Variants in CCDC136 observed in about 807,000 individuals in gnomAD.
The protein encoded by CCDC136 is coiled-coil domain containing 136, also known as coiled-coil domain-containing protein 136.
A neutral mutation model predicts 141.2 loss-of-function variants in CCDC136; 100 were observed. The observed-to-expected ratio is 0.71, with a 90% CI of 0.60 to 0.84. CCDC136 has a LOEUF of 0.84. Ranked by LOEUF, CCDC136 falls within the 40% of genes least tolerant of loss-of-function variation. The pLI, the probability that CCDC136 is intolerant of heterozygous loss-of-function variation, is 0.00. For synonymous variants in CCDC136, 474 were observed against 531.9 expected (o/e 0.89, Z 1.50); for missense variants, 1,206 against 1,379.4 (o/e 0.87, Z 1.99).
chr7:128,798,187 G>A (rs1428175852), intron 3 of CCDC136, among the ~76,000 whole-genome samples: 4 of 149,890 alleles, frequency 2.7e-5, no homozygotes, highest in Non-Finnish European at 5.9e-5. Context: ...AAAGTGCTGG[G>A]ATTAAAGGCG....
At chr7:128,808,014 T>A (rs1288116668) in intron 10 of CCDC136, among the ~76,000 whole-genome samples, 2 of 152,148 alleles carry the variant, frequency 1.3e-5, no homozygotes, top group African/African-American at 2.4e-5. Context: ...CTTCTAGGAT[T>A]TATTCTGTGA....
At chr7:128,798,507 C>T (rs1803463054) in intron 3 of CCDC136, among the ~76,000 whole-genome samples, 1 of 152,028 alleles carries the variant, frequency 6.6e-6, no homozygotes, top group Admixed American at 6.5e-5. Flanking sequence ...CAGCCTCAGC[C>T]TCCCAAAGTG....
rs1014410270 is a variant in CCDC136 at position 128,817,481 on chromosome 7, C to T, written c.3364-277C>T. Reference sequence around the variant, plus strand: ...TTGACAGGATATGAGAGGTATGTGACGAGACAGAAAGAAAACTGGACTCAC... The same window carrying T: ...TTGACAGGATATGAGAGGTATGTGATGAGACAGAAAGAAAACTGGACTCAC... On this transcript the variant is annotated intron_variant, in intron 16 of 17. Coordinates refer to ENST00000297788, the MANE Select transcript of CCDC136 (RefSeq NM_022742.5). The surrounding 1 kb of genome is among the most constrained non-coding windows in gnomAD (Gnocchi z 4.6). 2.0e-5 allele frequency among the ~76,000 whole-genome samples: 3 copies of T among 151,944 alleles called. No homozygotes were observed. The highest frequency in any genetic ancestry group is 1.3e-4 in the Admixed American group (2 of 15,242).
intron 15 of CCDC136, among the ~76,000 whole-genome samples, chr7:128,815,340 A>G (rs1806428298): frequency 6.6e-6 from 1 of 152,242 alleles, no homozygotes; most frequent in South Asian, 2.1e-4. Context: ...TAGGGGTGGG[A>G]AGCAACAATT....
intron 3 of CCDC136, among the ~76,000 whole-genome samples, chr7:128,798,207 G>T (rs1803375039): frequency 3.4e-5 from 5 of 148,770 alleles, no homozygotes; most frequent in Admixed American, 2.0e-4. Flanking sequence ...GTGAGCCACC[G>T]CGCCCGGCCG....
Position 128,814,871 on chromosome 7 carries a change from G to A in CCDC136, c.2997G>A (p.Val999=), listed in dbSNP as rs1806345369. 6.2e-7 allele frequency: 1 copy of A among 1,607,226 alleles called. No homozygotes were observed. Among genetic ancestry groups the A allele is most frequent in the African/African-American group, 1.3e-5 (1 of 74,828 alleles). Residue 999 remains valine (V), a synonymous_variant, in exon 15 of 18, where the codon GTG becomes GTA. Coordinates refer to ENST00000297788, the MANE Select transcript of CCDC136 (RefSeq NM_022742.5). Reference sequence around the variant, plus strand: ...CCAATGGGGTTAAAATGAAAAAGGTGACCAAGCCATGCTCGGATACTTCTG... The same window carrying A: ...CCAATGGGGTTAAAATGAAAAAGGTAACCAAGCCATGCTCGGATACTTCTG... ...KNANGVKMKK[V]TKPCSDTSES...
intron 4 of CCDC136, among the ~76,000 whole-genome samples, chr7:128,801,979 C>T (rs538169690): frequency 6.6e-6 from 1 of 152,108 alleles, no homozygotes; most frequent in African/African-American, 2.4e-5. Context: ...CAAAGAGGGA[C>T]CTGTCACCTT....
In CCDC136 at chr7:128,805,646, C is replaced by A; in HGVS notation, c.949-115C>A. The A allele has an allele frequency of 6.5e-7, 1 of 1,535,558 alleles. No homozygotes were observed. Reference sequence around the variant, plus strand: ...GGAGGGAGATAGTACTCTGGGGTCTCACTTGCCTGATGTAAATCTTCCAGT... The same window carrying A: ...GGAGGGAGATAGTACTCTGGGGTCTAACTTGCCTGATGTAAATCTTCCAGT... On this transcript the variant is annotated intron_variant, in intron 6 of 17. Coordinates refer to ENST00000297788, the MANE Select transcript of CCDC136 (RefSeq NM_022742.5). The surrounding 1 kb of genome is among the most constrained non-coding windows in gnomAD (Gnocchi z 4.6).
At chr7:128,804,879 A>G in intron 5 of CCDC136, 118 bp downstream of exon 5, 2 of 638,766 alleles carry the variant, frequency 3.1e-6, no homozygotes, top group Non-Finnish European at 5.5e-6. Flanking sequence ...CTGGAGACCC[A>G]GTCCTTTCCA....
intron 1 of CCDC136, among the ~76,000 whole-genome samples, chr7:128,792,800 A>G (rs1802382233): frequency 6.6e-6 from 1 of 152,232 alleles, no homozygotes. Context: ...GGAACTGGGC[A>G]TGTGAATTGT....
upstream of CCDC136, chr7:128,791,607 C>T: frequency 1.8e-6 from 2 of 1,117,264 alleles, no homozygotes; most frequent in Non-Finnish European, 2.3e-6. This position sits in a 1 kb window ranked among gnomAD's most constrained non-coding sequence, Gnocchi z 7.1. Context: ...TCCTCCATCC[C>T]TCCTCCTTCC....
At chr7:128,816,180 C>T (rs2270593) in intron 16 of CCDC136, among the ~76,000 whole-genome samples, 21,520 of 152,246 alleles carry the variant, frequency 0.14, 1,672 homozygotes, top group African/African-American at 0.2. Flanking sequence ...TGGGAACCAG[C>T]GTGGGGTCTC....
chr7:128,791,662 C>A, upstream of CCDC136: 2 of 671,642 alleles, frequency 3.0e-6, no homozygotes, highest in African/African-American at 1.9e-5. The surrounding 1 kb of genome is among the most constrained non-coding windows in gnomAD (Gnocchi z 7.1). Context: ...CTTTCTCCGC[C>A]CAAAGTCTTC....
In CCDC136 at chr7:128,805,966, A is replaced by T; in HGVS notation, c.1089+65A>T. On this transcript the variant is annotated intron_variant, in intron 7 of 17. Coordinates refer to ENST00000297788, the MANE Select transcript of CCDC136 (RefSeq NM_022742.5). The surrounding 1 kb of genome is among the most constrained non-coding windows in gnomAD (Gnocchi z 4.6). ...AGGGCCTCATGGAGGGGCTGCTTCA[A>T]CCGGGGTGGGCACAGTGAGTATGGC... 6.3e-7 allele frequency: 1 copy of T among 1,582,880 alleles called. No individual in the cohort carries two copies. Among genetic ancestry groups the T allele is most frequent in the Non-Finnish European group, 8.6e-7 (1 of 1,156,076 alleles).
Position 128,810,369 on chromosome 7 carries a change from AAC to A in CCDC136, c.2028+4_2028+5del. ...CCTCCAAATGTAATCGAAACAAGGT[AAC>A]CATAGCAAGAGGTAGGGAGACAGTT... On this transcript the variant is annotated splice_donor_5th_base_variant and intron_variant, in intron 12 of 17. Transcript: ENST00000297788. 1 of 1,602,204 alleles carries A rather than the reference AAC, an allele frequency of 6.2e-7. No homozygotes were observed. Among genetic ancestry groups the A allele is most frequent in the Non-Finnish European group, 8.5e-7 (1 of 1,170,110 alleles).
rs1299803929 is a variant in CCDC136, at chr7:128,809,442, A to G, written c.1606-8A>G. ...AACCACCCCCTCCACACCCGCCCCCACCCACAGTGTGACACACTGCTGTCC... is the reference window on the plus strand; with the variant it reads ...AACCACCCCCTCCACACCCGCCCCCGCCCACAGTGTGACACACTGCTGTCC... On this transcript the variant is annotated splice_polypyrimidine_tract_variant and splice_region_variant and intron_variant, in intron 10 of 17. Transcript: ENST00000297788. The G allele has an allele frequency of 3.9e-6, 3 of 766,892 alleles. No homozygotes were observed. The highest frequency in any genetic ancestry group is 4.5e-5 in the African/African-American group (2 of 44,588). 47.5% of individuals were successfully genotyped at this position (766,892 alleles called of 1,614,324 possible).
chr7:128,816,850 A>G (rs572271691), intron 16 of CCDC136, among the ~76,000 whole-genome samples: 37 of 152,326 alleles, frequency 2.4e-4, no homozygotes, highest in African/African-American at 7.9e-4. Flanking sequence ...TTATCCAGTC[A>G]ACTCTGAGGA....
chr7:128,817,697 G>A lies in CCDC136; in HGVS notation c.3364-61G>A, dbSNP rs752075697. 14 of 1,118,402 alleles carry A rather than the reference G, an allele frequency of 1.3e-5. No individual in the cohort carries two copies. Among genetic ancestry groups the A allele is most frequent in the Middle Eastern group, 2.0e-4 (1 of 5,110 alleles). 69.3% of individuals were successfully genotyped at this position (1,118,402 alleles called of 1,614,324 possible). A position where few individuals can be genotyped will look rare whatever the true frequency, so the allele number is the denominator to read the frequency against. On this transcript the variant is annotated intron_variant, in intron 16 of 17. Transcript: ENST00000297788. The surrounding 1 kb of genome is among the most constrained non-coding windows in gnomAD (Gnocchi z 4.6). Reference sequence around the variant, plus strand: ...TCTTCATTATCTGTTGGATCCATGCGTTTATGTCTCACATCTCCTGGTCTC... The same window carrying A: ...TCTTCATTATCTGTTGGATCCATGCATTTATGTCTCACATCTCCTGGTCTC...
In CCDC136 at chr7:128,821,710, G is replaced by C; in HGVS notation, c.*6-89G>C. 3.0e-6 allele frequency: 3 copies of C among 1,005,038 alleles called. No homozygotes were observed. The highest frequency in any genetic ancestry group is 4.1e-6 in the Non-Finnish European group (3 of 733,892). The allele number at this position is 1,005,038 out of a possible 1,614,324, so 62.3% of individuals were successfully genotyped here. ...GAGACTGATCCACAATGTTCCTGAG[G>C]TGTCTTGGGCACCCATAGGCAGGTG... On this transcript the variant is annotated intron_variant, in intron 17 of 17. Coordinates refer to ENST00000297788, the MANE Select transcript of CCDC136 (RefSeq NM_022742.5). The surrounding 1 kb of genome is among the most constrained non-coding windows in gnomAD (Gnocchi z 5.1).
Sources: gnomAD v4.1 joint callset for allele counts (sites outside exome capture counted in the v4.1 genomes callset) on GRCh38, gnomAD v4.1.1 for gene constraint, Gnocchi (gnomAD v3.1) non-coding constraint, MANE v1.5 for transcripts, NCBI Gene and HGNC (gene_info 2026-07-23, HGNC 2026-07-21) for gene names.